Variants in KSR2 observed in about 807,000 individuals in gnomAD.
KSR2 encodes the protein kinase suppressor of ras 2.
A neutral mutation model predicts 107.8 loss-of-function variants in KSR2; 25 were observed. The ratio of observed to expected loss-of-function variants is 0.23; its 90% CI spans 0.17 to 0.32. The LOEUF (loss-of-function observed/expected upper bound fraction) is 0.32, where lower values mean the gene tolerates loss of function less well. Among genes scored for constraint, KSR2 ranks in the 10% least tolerant of loss-of-function variants. The pLI is 1.00. For missense variants in KSR2, 887 were observed against 1,268.9 expected (o/e 0.70, Z 4.57); for synonymous variants, 480 against 507.0 (o/e 0.95, Z 0.71).
intron 17 of KSR2, among the ~76,000 whole-genome samples, chr12:117,474,756 A>G (rs1871671618): frequency 6.6e-6 from 1 of 151,970 alleles, no homozygotes; most frequent in Non-Finnish European, 1.5e-5. Flanking sequence ...CTATTTTCTG[A>G]CAAGTCCTAA....
intron 2 of KSR2, 109 bp from the exon 3 acceptor site, chr12:117,855,687 T>C (rs1566052232): frequency 9.1e-7 from 1 of 1,097,374 alleles, no homozygotes; most frequent in East Asian, 2.6e-5. Context: ...GTAAACGCTT[T>C]GCATGACAGT....
intron 17 of KSR2, among the ~76,000 whole-genome samples, chr12:117,474,618 G>C (rs959935689): frequency 3.9e-5 from 6 of 152,062 alleles, no homozygotes; most frequent in African/African-American, 1.4e-4. Flanking sequence ...ATGGCCATGG[G>C]AGCCTAGAAG....
intron 1 of KSR2, among the ~76,000 whole-genome samples, chr12:117,911,565 A>C (rs1895014486): frequency 6.6e-6 from 1 of 152,244 alleles, no homozygotes; most frequent in Non-Finnish European, 1.5e-5. Flanking sequence ...TACATTCTGC[A>C]AATAAAACCT....
chr12:117,757,950 C>T lies in KSR2; in HGVS notation c.986+3061G>A, dbSNP rs532254438. Among the ~76,000 whole-genome samples, 11 of 152,226 alleles carry T rather than the reference C, an allele frequency of 7.2e-5. No individual in the cohort carries two copies. In the East Asian group the frequency reaches 2.1e-3, roughly 29 times the overall value. ...CTGTACTTACTGAAAACAAGTTTTA[C>T]AAAACAACACTAAAACGCTTACCAG... On this transcript the variant is annotated intron_variant, in intron 4 of 19. Coordinates refer to ENST00000339824, the MANE Select transcript of KSR2 (RefSeq NM_173598.6).
chr12:117,564,266 G>A (rs890535795), intron 7 of KSR2, among the ~76,000 whole-genome samples: 1 of 152,196 alleles, frequency 6.6e-6, no homozygotes, highest in Non-Finnish European at 1.5e-5. Flanking sequence ...AGGCACCAGG[G>A]AAGGTCCTAT....
At chr12:117,734,613 CTT>C (rs1887867885) in intron 4 of KSR2, among the ~76,000 whole-genome samples, 1 of 152,196 alleles carries the variant, frequency 6.6e-6, no homozygotes, top group Non-Finnish European at 1.5e-5. Context: ...AGTCTGCTGA[CTT>C]ATCATTCTTT....
chr12:117,604,719 T>C (rs894178709), intron 5 of KSR2, among the ~76,000 whole-genome samples: 1 of 152,168 alleles, frequency 6.6e-6, no homozygotes, highest in African/African-American at 2.4e-5. Flanking sequence ...TTATATAATA[T>C]ATAAAAATTG....
chr12:117,940,342 A>G (rs538331997), intron 1 of KSR2, among the ~76,000 whole-genome samples: 1 of 152,338 alleles, frequency 6.6e-6, no homozygotes, highest in South Asian at 2.1e-4. Context: ...GGTATCTCAG[A>G]GCAACTGCAA....
intron 4 of KSR2, among the ~76,000 whole-genome samples, chr12:117,742,567 G>A (rs1289728113): frequency 6.8e-6 from 1 of 146,642 alleles, no homozygotes; most frequent in Non-Finnish European, 1.5e-5. Flanking sequence ...TGGGCAGAGA[G>A]ATGAACAGAC....
chr12:117,458,235 G>T lies in KSR2; in HGVS notation c.*8964C>A, dbSNP rs1431104140. On this transcript the variant is annotated 3_prime_UTR_variant, in exon 20 of 20. Coordinates refer to ENST00000339824, the MANE Select transcript of KSR2 (RefSeq NM_173598.6). ...GCCAGCATCTGTGTGAGGACACAAAGACCTCTCTTCTACCTTGTTCATCCT... is the reference window on the plus strand; with the variant it reads ...GCCAGCATCTGTGTGAGGACACAAATACCTCTCTTCTACCTTGTTCATCCT... The T allele has an allele frequency of 6.6e-6, 1 of 152,164 alleles. No homozygotes were observed. Among genetic ancestry groups the T allele is most frequent in the Non-Finnish European group, 1.5e-5 (1 of 68,032 alleles). 9.4% of individuals were successfully genotyped at this position (152,164 alleles called of 1,614,324 possible). A position where few individuals can be genotyped will look rare whatever the true frequency, so the allele number is the denominator to read the frequency against.
chr12:117,759,322 A>G (rs1888912724), intron 4 of KSR2, among the ~76,000 whole-genome samples: 1 of 152,108 alleles, frequency 6.6e-6, no homozygotes, highest in African/African-American at 2.4e-5. Context: ...TTGTTTACCT[A>G]TTGTCTGTGC....
At chr12:117,525,334 T>C in intron 13 of KSR2, 115 bp from the exon 14 acceptor site, 1 of 1,207,140 alleles carries the variant, frequency 8.3e-7, no homozygotes, top group Non-Finnish European at 1.1e-6. Context: ...CTACATGCAT[T>C]TGGAGCTTGT....
Position 117,650,126 on chromosome 12 carries a change from G to A in KSR2, c.1171+17348C>T, listed in dbSNP as rs1883830555. ...GTTGCCAAAAGAGTCAGTGGGCTGGGGAAAGCAGATCCACCCTTAAACTGG... is the reference window on the plus strand; with the variant it reads ...GTTGCCAAAAGAGTCAGTGGGCTGGAGAAAGCAGATCCACCCTTAAACTGG... On this transcript the variant is annotated intron_variant, in intron 5 of 19. Transcript: ENST00000339824. Among the ~76,000 whole-genome samples the A allele has an allele frequency of 2.6e-5, 4 of 152,258 alleles. No individual in the cohort carries two copies. In the South Asian group the frequency reaches 8.3e-4, roughly 32 times the overall value.
At chr12:117,760,903 C>T (rs1278359227) in intron 4 of KSR2, 108 bp downstream of exon 4, 5 of 1,393,078 alleles carry the variant, frequency 3.6e-6, no homozygotes, top group South Asian at 2.5e-5. Flanking sequence ...GAGTCTGGAA[C>T]GCAAGTCTGT....
intron 5 of KSR2, among the ~76,000 whole-genome samples, chr12:117,658,223 G>A (rs1258419004): frequency 6.6e-6 from 1 of 152,238 alleles, no homozygotes; most frequent in Admixed American, 6.5e-5. Flanking sequence ...AACAGTGGGA[G>A]ACTGTGGTAG....
At chr12:117,857,471 A>G (rs1477706507) in intron 2 of KSR2, among the ~76,000 whole-genome samples, 2 of 152,192 alleles carry the variant, frequency 1.3e-5, no homozygotes, top group African/African-American at 4.8e-5. Context: ...TATGATTTAT[A>G]TATGTATATA....
intron 3 of KSR2, among the ~76,000 whole-genome samples, chr12:117,763,917 G>A (rs892325494): frequency 2.0e-5 from 3 of 152,110 alleles, no homozygotes; most frequent in Non-Finnish European, 2.9e-5. Flanking sequence ...CCAGAGGAAG[G>A]TAACCACGTG....
At position 117,842,398 on chromosome 12, in the gene KSR2, G is replaced by A. The variant is rs186522482; in HGVS notation, c.472+13030C>T. ...GCTGTGCAAAGGCCCTGGGGCAGGC[G>A]TTGTGAAGAAGAGAGGGTAGCTGGG... On this transcript the variant is annotated intron_variant, in intron 3 of 19. Coordinates refer to ENST00000339824, the MANE Select transcript of KSR2 (RefSeq NM_173598.6). The surrounding 1 kb of genome is among the most constrained non-coding windows in gnomAD (Gnocchi z 4.2). Among the ~76,000 whole-genome samples, 145 of 152,252 alleles carry A rather than the reference G, an allele frequency of 9.5e-4. 2 individuals are homozygous for A. The highest frequency in any genetic ancestry group is 3.4e-3 in the Middle Eastern group (1 of 294).
chr12:117,640,574 G>A (rs1209073869), intron 5 of KSR2, among the ~76,000 whole-genome samples: 1 of 152,122 alleles, frequency 6.6e-6, no homozygotes, highest in Non-Finnish European at 1.5e-5. Context: ...TTTTAACTGG[G>A]AAAATAGTTT....
Sources: gnomAD v4.1 joint callset for allele counts (sites outside exome capture counted in the v4.1 genomes callset) on GRCh38, gnomAD v4.1.1 for gene constraint, Gnocchi (gnomAD v3.1) non-coding constraint, MANE v1.5 for transcripts, NCBI Gene and HGNC (gene_info 2026-07-23, HGNC 2026-07-21) for gene names.